The following C3orf20 variants were observed in gnomAD, a reference collection of about 807,000 sequenced individuals.
C3orf20 encodes the protein family with sequence similarity 149 member C, also known as uncharacterized protein C3orf20.
In C3orf20, 76 loss-of-function variants were observed where a neutral mutation model predicts 88.3. The ratio of observed to expected loss-of-function variants is 0.86; its 90% CI spans 0.72 to 1.04. The LOEUF (loss-of-function observed/expected upper bound fraction) is 1.04. Among genes scored for constraint, C3orf20 ranks in the 50% least tolerant of loss-of-function variants. The probability of loss-of-function intolerance (pLI) is 0.00; values close to 1 mark genes in which losing one functional copy is unlikely to be tolerated. For missense variants in C3orf20, 1,056 were observed against 1,123.3 expected (o/e 0.94, Z 0.86); for synonymous variants, 436 against 437.4 (o/e 1.00, Z 0.04).
chr3:14,735,955 T>C (rs1309742503), intron 12 of C3orf20, among the ~76,000 whole-genome samples: 1 of 152,212 alleles, frequency 6.6e-6, no homozygotes, highest in Non-Finnish European at 1.5e-5. Flanking sequence ...CTTTTTTCAT[T>C]GTTCTTTATT....
intron 12 of C3orf20, among the ~76,000 whole-genome samples, chr3:14,730,036 C>T (rs1032448998): frequency 1.3e-5 from 2 of 152,184 alleles, no homozygotes; most frequent in African/African-American, 4.8e-5. Context: ...TAGAAGCCCC[C>T]TTTAGTCCCA....
intron 7 of C3orf20, among the ~76,000 whole-genome samples, chr3:14,706,331 G>A (rs1380736780): frequency 6.6e-6 from 1 of 151,932 alleles, no homozygotes; most frequent in Non-Finnish European, 1.5e-5. Flanking sequence ...GCAATGGGTT[G>A]TGTTGTGCCC....
intron 7 of C3orf20, among the ~76,000 whole-genome samples, chr3:14,707,875 A>G (rs942083936): frequency 4.3e-5 from 6 of 139,504 alleles, no homozygotes; most frequent in Non-Finnish European, 9.1e-5. Context: ...GCTGGAGTAC[A>G]ATGACGTGAT....
chr3:14,728,476 G>A lies in C3orf20; in HGVS notation c.1728G>A (p.Glu576=). The A allele has an allele frequency of 6.2e-7, 1 of 1,614,172 alleles. No homozygotes were observed. Among genetic ancestry groups the A allele is most frequent in the Non-Finnish European group, 8.5e-7 (1 of 1,180,012 alleles). ...TTGAATATCCCACCAAAAAGGAGGA[G>A]GAAGAATTTGTTCGGTTCAAGATGA... is the stretch of plus-strand genomic sequence containing the variant. ...FTIEYPTKKE[E]EEFVRFKMRS... is the part of the protein sequence containing the mutation. Residue 576 remains glutamate (E), a synonymous_variant, in exon 12 of 17, where the codon GAG becomes GAA. Coordinates refer to ENST00000253697, the MANE Select transcript of C3orf20 (RefSeq NM_032137.5).
intron 14 of C3orf20, among the ~76,000 whole-genome samples, chr3:14,760,541 A>G: frequency 6.7e-6 from 1 of 149,514 alleles, no homozygotes; most frequent in Admixed American, 6.7e-5. Flanking sequence ...TACCATGAGC[A>G]TTTCCCCATG....
intron 12 of C3orf20, among the ~76,000 whole-genome samples, chr3:14,732,209 A>T (rs146270452): frequency 6.6e-6 from 1 of 152,216 alleles, no homozygotes; most frequent in African/African-American, 2.4e-5. Context: ...GTAATATCCC[A>T]TTATCGTTTT....
Position 14,694,671 on chromosome 3 carries a change from T to G in C3orf20, c.745+4555T>G, listed in dbSNP as rs151166256. Among the ~76,000 whole-genome samples the G allele has an allele frequency of 5.1e-3, 783 of 152,314 alleles. 9 individuals carry two copies. The highest frequency in any genetic ancestry group is 0.018 in the African/African-American group (749 of 41,580). On this transcript the variant is annotated intron_variant, in intron 5 of 16. Coordinates refer to ENST00000253697, the MANE Select transcript of C3orf20 (RefSeq NM_032137.5). The stretch of plus-strand genomic sequence containing the variant: ...TTATTGATCTCTTGTATTGTTTTCC[T>G]TGTTTCAGTTTATTTATTTCTGCTC...
At chr3:14,721,956 ACTT>A in intron 10 of C3orf20, 172 bp downstream of exon 10, 1 of 726,860 alleles carries the variant, frequency 1.4e-6, no homozygotes, top group South Asian at 1.9e-5. Flanking sequence ...TTCCTGTGAA[ACTT>A]CTTATATCAA....
At chr3:14,749,869 C>T (rs376366965) in intron 12 of C3orf20, among the ~76,000 whole-genome samples, 2 of 151,948 alleles carry the variant, frequency 1.3e-5, no homozygotes, top group African/African-American at 2.4e-5. Context: ...TATCTGCTCC[C>T]GTACAGCTTC....
At chr3:14,739,983 A>C (rs1042379381) in intron 12 of C3orf20, among the ~76,000 whole-genome samples, 2 of 152,234 alleles carry the variant, frequency 1.3e-5, no homozygotes, top group African/African-American at 4.8e-5. Context: ...TATGCAGACC[A>C]CTAAAACTTT....
chr3:14,704,967 G>A (rs2033437651), intron 7 of C3orf20, among the ~76,000 whole-genome samples: 1 of 152,178 alleles, frequency 6.6e-6, no homozygotes, highest in South Asian at 2.1e-4. Flanking sequence ...CTAGTGGAGA[G>A]GAGAGAATTA....
chr3:14,713,218 A>G (rs1249280152), intron 7 of C3orf20, among the ~76,000 whole-genome samples: 2 of 152,102 alleles, frequency 1.3e-5, no homozygotes, highest in African/African-American at 4.8e-5. Flanking sequence ...GGGAGTTTTC[A>G]GCCATTATTT....
At chr3:14,744,365 A>G (rs2034999633) in intron 12 of C3orf20, among the ~76,000 whole-genome samples, 1 of 151,934 alleles carries the variant, frequency 6.6e-6, no homozygotes, top group South Asian at 2.1e-4. Context: ...CTCAGCCTGA[A>G]TTTTATTGTC....
rs145483811 is a variant in C3orf20, at chr3:14,759,181, C to T, written c.2245-710C>T. Among the ~76,000 whole-genome samples, 284 of 152,236 alleles carry T rather than the reference C, an allele frequency of 1.9e-3. 1 individual carries two copies. Among genetic ancestry groups the T allele is most frequent in the Middle Eastern group, 3.4e-3 (1 of 294 alleles). ...CAGATTAGGGTGTCTTTGGTGAATG[C>T]AGAAATGTTCCCAGACTTTCTCTTT... On this transcript the variant is annotated intron_variant, in intron 13 of 16. Transcript: ENST00000253697.
chr3:14,750,713 C>T (rs961369995), intron 12 of C3orf20, among the ~76,000 whole-genome samples: 2 of 152,020 alleles, frequency 1.3e-5, no homozygotes, highest in Non-Finnish European at 2.9e-5. Flanking sequence ...TGATGAGTTG[C>T]TTCTCCCGTT....
At position 14,715,337 on chromosome 3, in the gene C3orf20, C is replaced by A; in HGVS notation, c.1362C>A (p.Asp454Glu). Residue 454 changes from aspartate to glutamate, a missense_variant, in exon 9 of 17, where the codon GAC (aspartate) becomes GAA (glutamate). Asp to Glu is a conservative substitution (Grantham distance 45, BLOSUM62 2). Transcript: ENST00000253697. Reference sequence around the variant, plus strand: ...ATGAGGAAGGTGGGACCACCAATGACCAGCAGGGCTATGTAGTCCACAAGT... The same window carrying A: ...ATGAGGAAGGTGGGACCACCAATGAACAGCAGGGCTATGTAGTCCACAAGT... ...ILDEEGGTTN[D>E]QQGYVVHKWS... 2 of 1,612,604 alleles carry A rather than the reference C, an allele frequency of 1.2e-6. No individual in the cohort carries two copies. Among genetic ancestry groups the A allele is most frequent in the Non-Finnish European group, 1.7e-6 (2 of 1,179,850 alleles).
rs1057114087 is a variant in C3orf20, at chr3:14,682,181, G to A, written c.-287G>A. 1 of 155,732 alleles carries A rather than the reference G, an allele frequency of 6.4e-6. No homozygotes were observed. Among genetic ancestry groups the A allele is most frequent in the African/African-American group, 2.4e-5 (1 of 41,438 alleles). 9.6% of individuals were successfully genotyped at this position (155,732 alleles called of 1,614,324 possible). On this transcript the variant is annotated 5_prime_UTR_variant, in exon 2 of 17. Transcript: ENST00000253697. Reference sequence around the variant, plus strand: ...CTGTCTGCCCTCAGATGTACACGTTGGATAATTCCATGCCCATCTTGGCAT... The same window carrying A: ...CTGTCTGCCCTCAGATGTACACGTTAGATAATTCCATGCCCATCTTGGCAT...
chr3:14,737,292 T>G (rs2125003160), intron 12 of C3orf20, among the ~76,000 whole-genome samples: 1 of 152,244 alleles, frequency 6.6e-6, no homozygotes, highest in South Asian at 2.1e-4. Context: ...TTCTCTTTCT[T>G]TTCTCTCTAT....
chr3:14,708,009 G>T (rs2033592764), intron 7 of C3orf20, among the ~76,000 whole-genome samples: 2 of 151,914 alleles, frequency 1.3e-5, no homozygotes, highest in South Asian at 4.1e-4. Context: ...GTAGAGATGG[G>T]GTTTCTCCAT....
Sources: gnomAD v4.1 joint callset for allele counts (sites outside exome capture counted in the v4.1 genomes callset) on GRCh38, gnomAD v4.1.1 for gene constraint, MANE v1.5 for transcripts, NCBI Gene and HGNC (gene_info 2026-07-23, HGNC 2026-07-21) for gene names.